The following SDC2 variants were observed in gnomAD, a reference collection of about 807,000 sequenced individuals.
SDC2 encodes syndecan-2.
Under a neutral mutation model 22.2 loss-of-function variants are expected in SDC2, and 13 were observed. The observed-to-expected ratio is 0.59, with a 90% CI of 0.38 to 0.93. The LOEUF is 0.93. Ranked by LOEUF, SDC2 falls within the 40% of genes least tolerant of loss-of-function variation. The pLI, the probability that SDC2 is intolerant of heterozygous loss-of-function variation, is 0.00. For missense variants in SDC2, 235 were observed against 246.8 expected, an observed-to-expected ratio of 0.95 and a Z score of 0.32; for synonymous variants, 94 against 92.8, an observed-to-expected ratio of 1.01 and a Z score of -0.07.
intron 1 of SDC2, among the ~76,000 whole-genome samples, chr8:96,553,497 A>C (rs1814059685): frequency 1.3e-5 from 2 of 151,344 alleles, no homozygotes; most frequent in South Asian, 4.2e-4. Context: ...TGATTGCTTT[A>C]ATATCTTCCT....
At chr8:96,554,075 G>A (rs1814070163) in intron 1 of SDC2, among the ~76,000 whole-genome samples, 1 of 152,144 alleles carries the variant, frequency 6.6e-6, no homozygotes, top group South Asian at 2.1e-4. Flanking sequence ...ACAGGTGTGA[G>A]CTACTGTACC....
chr8:96,540,340 G>GTA (rs1554601718), intron 1 of SDC2, among the ~76,000 whole-genome samples: 46 of 123,686 alleles, frequency 3.7e-4, no homozygotes, highest in South Asian at 3.0e-3. Flanking sequence ...ATATATATGT[G>GTA]TATATATATA....
intron 1 of SDC2, among the ~76,000 whole-genome samples, chr8:96,593,134 G>A (rs890225385): frequency 1.3e-5 from 2 of 152,260 alleles, no homozygotes; most frequent in Non-Finnish European, 2.9e-5. Flanking sequence ...GTGACAAAGA[G>A]AATGCCCAAG....
intron 2 of SDC2, among the ~76,000 whole-genome samples, chr8:96,597,669 C>G (rs1317829310): frequency 6.6e-6 from 1 of 152,170 alleles, no homozygotes; most frequent in African/African-American, 2.4e-5. Context: ...TACTATAAAA[C>G]AGGAATGTTC....
chr8:96,504,645 C>A (rs1384776202), intron 1 of SDC2, among the ~76,000 whole-genome samples: 1 of 152,142 alleles, frequency 6.6e-6, no homozygotes, highest in Admixed American at 6.5e-5. Context: ...CTCTTTTCTT[C>A]CATCTTTAAG....
At chr8:96,526,777 G>C (rs1430654933) in intron 1 of SDC2, among the ~76,000 whole-genome samples, 1 of 152,106 alleles carries the variant, frequency 6.6e-6, no homozygotes, top group African/African-American at 2.4e-5. Flanking sequence ...GTTGACCCCT[G>C]TGTAGCTGTG....
At chr8:96,588,629 T>C (rs1487667864) in intron 1 of SDC2, among the ~76,000 whole-genome samples, 1 of 152,234 alleles carries the variant, frequency 6.6e-6, no homozygotes, top group African/African-American at 2.4e-5. Flanking sequence ...CACATGGATA[T>C]TTTATTTTTA....
At chr8:96,536,206 A>C (rs1415742499) in intron 1 of SDC2, among the ~76,000 whole-genome samples, 2 of 151,476 alleles carry the variant, frequency 1.3e-5, no homozygotes, top group East Asian at 3.9e-4. Flanking sequence ...TGGGTCTGCC[A>C]CAGCTATGGA....
At chr8:96,542,163 A>C (rs1813861056) in intron 1 of SDC2, among the ~76,000 whole-genome samples, 1 of 152,120 alleles carries the variant, frequency 6.6e-6, no homozygotes, top group Non-Finnish European at 1.5e-5. Flanking sequence ...CTGCATCCCA[A>C]AGCCAATGCC....
chr8:96,569,058 A>G (rs1299613500), intron 1 of SDC2, among the ~76,000 whole-genome samples: 1 of 152,218 alleles, frequency 6.6e-6, no homozygotes, highest in African/African-American at 2.4e-5. Flanking sequence ...TCCCCAGGCT[A>G]GAGTACAGTG....
At chr8:96,507,705 TTG>T (rs1813263563) in intron 1 of SDC2, among the ~76,000 whole-genome samples, 1 of 152,218 alleles carries the variant, frequency 6.6e-6, no homozygotes, top group Non-Finnish European at 1.5e-5. Flanking sequence ...AAGGCTGCTA[TTG>T]TAGTTAAGAG....
At chr8:96,597,579 C>T (rs779506270) in intron 2 of SDC2, among the ~76,000 whole-genome samples, 4 of 152,086 alleles carry the variant, frequency 2.6e-5, no homozygotes, top group Non-Finnish European at 4.4e-5. Flanking sequence ...CAGCCACTTA[C>T]AGGAAGAAAA....
intron 1 of SDC2, among the ~76,000 whole-genome samples, chr8:96,570,708 GA>G (rs905285567): frequency 6.6e-6 from 1 of 152,022 alleles, no homozygotes; most frequent in Non-Finnish European, 1.5e-5. Flanking sequence ...AACTTAGTAT[GA>G]AAAAAATATA....
chr8:96,494,467 T>G, intron 1 of SDC2, 136 bp downstream of exon 1: 2 of 759,152 alleles, frequency 2.6e-6, no homozygotes, highest in South Asian at 3.9e-5. Context: ...CTGGGACAAA[T>G]GCGCTCGTCC....
chr8:96,586,251 T>C (rs1486755498), intron 1 of SDC2: 1 of 152,234 alleles, frequency 6.6e-6, no homozygotes, highest in African/African-American at 2.4e-5. Context: ...TTTTTCTCAG[T>C]TGTGGGGTAA....
intron 3 of SDC2, among the ~76,000 whole-genome samples, chr8:96,602,798 A>G (rs990593227): frequency 2.0e-5 from 3 of 152,212 alleles, no homozygotes; most frequent in African/African-American, 4.8e-5. Flanking sequence ...GGCTCAAATT[A>G]TATACAACTA....
intron 1 of SDC2, among the ~76,000 whole-genome samples, chr8:96,532,061 G>GT (rs1244598588): frequency 1.6e-4 from 24 of 152,222 alleles, no homozygotes; most frequent in African/African-American, 5.1e-4. Context: ...TTTTGCCTCT[G>GT]TTTTTTCATC....
chr8:96,523,138 A>G (rs1004204886), intron 1 of SDC2, among the ~76,000 whole-genome samples: 2 of 152,216 alleles, frequency 1.3e-5, no homozygotes, highest in East Asian at 1.9e-4. Context: ...TCTGAATTTG[A>G]AATCTTTCTT....
At chr8:96,559,656 A>C (rs185295118) in intron 1 of SDC2, among the ~76,000 whole-genome samples, 34 of 152,282 alleles carry the variant, frequency 2.2e-4, no homozygotes, top group South Asian at 1.7e-3. Context: ...GTAAATATCA[A>C]GTTTTGTTTT....
Sources: gnomAD v4.1 joint callset for allele counts (sites outside exome capture counted in the v4.1 genomes callset) on GRCh38, gnomAD v4.1.1 for gene constraint, MANE v1.5 for transcripts, NCBI Gene and HGNC (gene_info 2026-07-23, HGNC 2026-07-21) for gene names.